POLR2F: variants seen among roughly 807,000 people sequenced by gnomAD.
The protein encoded by POLR2F is DNA-directed RNA polymerases I, II, and III subunit RPABC2.
POLR2F carries 12 observed loss-of-function variants against 22.7 expected under a neutral mutation model. The observed-to-expected ratio is 0.53, with a 90% confidence interval of 0.34 to 0.86. POLR2F has a LOEUF of 0.86. Ranked by LOEUF, POLR2F falls within the 40% of genes least tolerant of loss-of-function variation. The pLI, the probability that POLR2F is intolerant of heterozygous loss-of-function variation, is 0.02. For missense variants in POLR2F, 126 were observed against 171.5 expected (o/e 0.73, Z 1.48); for synonymous variants, 57 against 66.0 (o/e 0.86, Z 0.66).
At chr22:37,982,755 TGAA>T (rs1330578611), upstream of POLR2F, among the ~76,000 whole-genome samples, 3 of 152,004 alleles carry the variant, frequency 2.0e-5, no homozygotes, top group Non-Finnish European at 2.9e-5. Flanking sequence ...CCTAGGAGGA[TGAA>T]GAAGCCCCCA....
rs756485262 is a variant in POLR2F at position 37,986,737 on chromosome 22, C to CTG, written c.120+436_120+437dup. On this transcript the variant is annotated intron_variant, in intron 1 of 2. Transcript: ENST00000333418. The surrounding 1 kb of genome is among the most constrained non-coding windows in gnomAD (Gnocchi z 4.7). ...GGGAAGGGCTGTCAGATGACCAGTGCTGTGTGTGTGTGGTTGGGGCCCCTG... is the reference window on the plus strand; with the variant it reads ...GGGAAGGGCTGTCAGATGACCAGTGCTGTGTGTGTGTGTGGTTGGGGCCCCTG... 2.9e-5 allele frequency: 14 copies of CTG among 484,512 alleles called. No individual in the cohort carries two copies. Among genetic ancestry groups the CTG allele is most frequent in the South Asian group, 9.3e-5 (6 of 64,712 alleles). 30.0% of individuals were successfully genotyped at this position (484,512 alleles called of 1,614,324 possible).
Position 37,980,552 on chromosome 22 carries a change from C to G in POLR2F, c.293+13382C>G, listed in dbSNP as rs964869330. Among the ~76,000 whole-genome samples, 1 of 152,068 alleles carries G rather than the reference C, an allele frequency of 6.6e-6. No homozygotes were observed. The highest frequency in any genetic ancestry group is 2.4e-5 in the African/African-American group (1 of 41,398). The stretch of plus-strand genomic sequence containing the variant: ...CAGCTCCCTCCTCCACCAGCTGTGC[C>G]GGACAGCTGATTCCACCTCCACCCC... On this transcript the variant is annotated intron_variant, in intron 4 of 4. Transcript: ENST00000405557. The surrounding 1 kb of genome is among the most constrained non-coding windows in gnomAD (Gnocchi z 4.1).
At chr22:38,014,864 G>C (rs2084903323) in intron 1 of POLR2F, among the ~76,000 whole-genome samples, 1 of 143,262 alleles carries the variant, frequency 7.0e-6, no homozygotes, top group Non-Finnish European at 1.5e-5. Context: ...CTGGAGTGCA[G>C]TGGCGCGATC....
upstream of POLR2F, chr22:37,983,352 C>T (rs1247712609): frequency 6.2e-7 from 1 of 1,605,784 alleles, no homozygotes; most frequent in East Asian, 2.2e-5. The surrounding 1 kb of genome is among the most constrained non-coding windows in gnomAD (Gnocchi z 9.5). Context: ...CGGTCGGGTG[C>T]TCACCTCCAG....
intron 1 of POLR2F, among the ~76,000 whole-genome samples, chr22:38,006,106 A>G (rs968334562): frequency 5.3e-5 from 8 of 152,064 alleles, no homozygotes; most frequent in African/African-American, 1.9e-4. Context: ...CTGTTGTCCT[A>G]GCTATTTGGG....
At chr22:38,000,235 G>A (rs1569177186) in intron 1 of POLR2F, among the ~76,000 whole-genome samples, 1 of 152,244 alleles carries the variant, frequency 6.6e-6, no homozygotes, top group African/African-American at 2.4e-5. Context: ...GCATGCTAAA[G>A]CCTGAAGGGA....
chr22:38,030,924 G>A (rs1443567885), downstream of POLR2F, among the ~76,000 whole-genome samples: 3 of 152,270 alleles, frequency 2.0e-5, no homozygotes, highest in South Asian at 2.1e-4. Context: ...CACCAGTAGG[G>A]GGTGGGAAAG....
intron 1 of POLR2F, among the ~76,000 whole-genome samples, chr22:38,024,588 C>A (rs1413387035): frequency 6.6e-6 from 1 of 151,966 alleles, no homozygotes; most frequent in Admixed American, 6.6e-5. Flanking sequence ...AGGGCAGGGG[C>A]AGGGACAAAC....
chr22:37,977,686 C>T (rs570950140), intron 4 of POLR2F, among the ~76,000 whole-genome samples: 1 of 152,274 alleles, frequency 6.6e-6, no homozygotes, highest in South Asian at 2.1e-4. Context: ...CCATCTCACC[C>T]AGCCACTTCC....
intron 1 of POLR2F, among the ~76,000 whole-genome samples, chr22:37,988,634 G>A (rs773534667): frequency 1.3e-5 from 2 of 152,172 alleles, no homozygotes; most frequent in African/African-American, 4.8e-5. Flanking sequence ...CTGGGTGACA[G>A]AGTAAGACTC....
intron 3 of POLR2F, among the ~76,000 whole-genome samples, chr22:37,961,491 A>G (rs1374517796): frequency 6.6e-6 from 1 of 152,146 alleles, no homozygotes; most frequent in Non-Finnish European, 1.5e-5. Flanking sequence ...AAAATCAGCA[A>G]ACTTCCCTCC....
chr22:37,974,347 G>T lies in POLR2F; in HGVS notation c.293+7177G>T. On this transcript the variant is annotated intron_variant, in intron 4 of 4. Coordinates refer to the POLR2F transcript ENST00000405557. The surrounding 1 kb of genome is among the most constrained non-coding windows in gnomAD (Gnocchi z 5.4). ...TTCACATTTTGGCAGCATGAGTCGG[G>T]TTTTTTTTTGTTTTTTTTTTTTGAG... 1 of 583,914 alleles carries T rather than the reference G, an allele frequency of 1.7e-6. No homozygotes were observed. The highest frequency in any genetic ancestry group is 3.0e-6 in the Non-Finnish European group (1 of 334,196). 36.2% of individuals were successfully genotyped at this position (583,914 alleles called of 1,614,324 possible).
upstream of POLR2F, chr22:37,953,665 T>A (rs1323709377): frequency 1.2e-5 from 14 of 1,206,216 alleles, no homozygotes; most frequent in Non-Finnish European, 1.5e-5. Flanking sequence ...CTCCCGGAAG[T>A]GATTTCCTCT....
At chr22:37,998,953 G>A (rs536758986) in intron 1 of POLR2F, among the ~76,000 whole-genome samples, 3 of 152,052 alleles carry the variant, frequency 2.0e-5, no homozygotes, top group African/African-American at 7.2e-5. Context: ...AGGACCCGCC[G>A]CCCCAAGATG....
chr22:38,019,274 C>T (rs1407683257), intron 1 of POLR2F, among the ~76,000 whole-genome samples: 5 of 151,996 alleles, frequency 3.3e-5, no homozygotes, highest in South Asian at 2.1e-4. Context: ...CTGCTGGTGC[C>T]GCTTCTTCAG....
downstream of POLR2F, among the ~76,000 whole-genome samples, chr22:37,970,499 C>T (rs550190158): frequency 6.9e-6 from 1 of 145,750 alleles, no homozygotes; most frequent in South Asian, 2.2e-4. Flanking sequence ...CCCAGCTACT[C>T]GGGAGGCTGA....
At chr22:38,004,814 C>T (rs1179096912) in intron 1 of POLR2F, among the ~76,000 whole-genome samples, 1 of 152,054 alleles carries the variant, frequency 6.6e-6, no homozygotes, top group Non-Finnish European at 1.5e-5. Flanking sequence ...TGTTGTGGCG[C>T]ACACCTGTAA....
intron 1 of POLR2F, among the ~76,000 whole-genome samples, chr22:38,014,511 C>T (rs557414273): frequency 4.5e-4 from 68 of 150,864 alleles, no homozygotes; most frequent in Non-Finnish European, 6.2e-4. Flanking sequence ...CCACCACGCC[C>T]GGCTAATTTT....
chr22:38,015,711 G>T, intron 1 of POLR2F, among the ~76,000 whole-genome samples: 1 of 152,250 alleles, frequency 6.6e-6, no homozygotes, highest in East Asian at 1.9e-4. Context: ...GGGGAGTTAT[G>T]AGAATCCATG....
Sources: gnomAD v4.1 joint callset for allele counts (sites outside exome capture counted in the v4.1 genomes callset) on GRCh38, gnomAD v4.1.1 for gene constraint, Gnocchi (gnomAD v3.1) non-coding constraint, MANE v1.5 for transcripts, NCBI Gene and HGNC (gene_info 2026-07-23, HGNC 2026-07-21) for gene names.